BRCA1: variants seen among roughly 807,000 people sequenced by gnomAD.
The protein encoded by BRCA1 is BRCA1 DNA repair associated.
Under a neutral mutation model 173.7 loss-of-function variants are expected in BRCA1, and 140 were observed. The ratio of observed to expected loss-of-function variants is 0.81; its 90% confidence interval spans 0.70 to 0.93. The LOEUF (loss-of-function observed/expected upper bound fraction) is 0.93, where lower values mean the gene tolerates loss of function less well. Among genes scored for constraint, BRCA1 ranks in the 40% least tolerant of loss-of-function variants. The pLI, the probability that BRCA1 is intolerant of heterozygous loss-of-function variation, is 0.00. For synonymous variants in BRCA1, 662 were observed against 756.0 expected, an observed-to-expected ratio of 0.88 and a Z score of 2.04; for missense variants, 1,983 against 2,172.5, an observed-to-expected ratio of 0.91 and a Z score of 1.73.
intron 11 of BRCA1, among the ~76,000 whole-genome samples, chr17:43,085,847 T>C (rs868305656): frequency 6.6e-6 from 1 of 152,112 alleles, no homozygotes; most frequent in South Asian, 2.1e-4. Flanking sequence ...CATATAAATA[T>C]ATATATAAAA....
chr17:43,134,984 A>G (rs758553212), intron 1 of BRCA1, among the ~76,000 whole-genome samples: 6 of 152,176 alleles, frequency 3.9e-5, no homozygotes, highest in African/African-American at 7.2e-5. Flanking sequence ...TAGATAGACT[A>G]TTGGCCCCAA....
intron 1 of BRCA1, among the ~76,000 whole-genome samples, chr17:43,168,604 A>C (rs1177553325): frequency 6.6e-6 from 1 of 152,202 alleles, no homozygotes; most frequent in Non-Finnish European, 1.5e-5. Flanking sequence ...ACGCCATTAC[A>C]CTCCAGCCTG....
intron 16 of BRCA1, among the ~76,000 whole-genome samples, chr17:43,066,814 T>C (rs1433062545): frequency 4.2e-4 from 47 of 112,580 alleles, no homozygotes; most frequent in African/African-American, 3.4e-3. Context: ...CTCCAAACCT[T>C]TTTTTTTTTT....
intron 1 of BRCA1, among the ~76,000 whole-genome samples, chr17:43,157,570 C>G (rs1257827041): frequency 1.3e-5 from 2 of 152,168 alleles, no homozygotes; most frequent in South Asian, 2.1e-4. Flanking sequence ...GTGGCACACG[C>G]CTGTAATCCT....
intron 2 of BRCA1, among the ~76,000 whole-genome samples, chr17:43,120,491 C>T (rs573541495): frequency 2.6e-5 from 4 of 152,170 alleles, no homozygotes; most frequent in Non-Finnish European, 5.9e-5. Flanking sequence ...TAAGGCCGGG[C>T]GCGGTGGCTC....
At chr17:43,145,575 C>T (rs1243713930) in intron 1 of BRCA1, among the ~76,000 whole-genome samples, 2 of 152,170 alleles carry the variant, frequency 1.3e-5, no homozygotes, top group African/African-American at 2.4e-5. Flanking sequence ...ATCCGCCCGC[C>T]TCGGCCTCCC....
chr17:43,097,114 C>A, intron 8 of BRCA1, 130 bp downstream of exon 8: 1 of 934,856 alleles, frequency 1.1e-6, no homozygotes, highest in Non-Finnish European at 1.7e-6. Flanking sequence ...ACCTATATAA[C>A]AAACTGCACA....
chr17:43,089,666 G>T (rs995628886), intron 11 of BRCA1, among the ~76,000 whole-genome samples: 1 of 150,182 alleles, frequency 6.7e-6, no homozygotes, highest in Admixed American at 6.7e-5. Flanking sequence ...TCCTGCTTTA[G>T]CCTCCCATCT....
rs80357489 is a variant in BRCA1 at position 43,094,083 on chromosome 17, A to G, written c.1448T>C (p.Ile483Thr). The G allele has an allele frequency of 9.3e-6, 15 of 1,613,958 alleles. No homozygotes were observed. The highest frequency in any genetic ancestry group is 1.1e-5 in the Non-Finnish European group (13 of 1,180,002). ...NLSHVTENLIIGAFVTEPQII... is the reference protein window; with the variant it reads ...NLSHVTENLITGAFVTEPQII... ...CTGTGGCTCAGTAACAAATGCTCCT[A>G]TAATTAGATTTTCAGTTACATGGCT... is the stretch of plus-strand genomic sequence containing the variant. The change falls in exon 10 of 23, where the codon ATA (isoleucine) becomes ACA (threonine). Residue 483 changes from isoleucine to threonine, a missense_variant. Ile to Thr is a moderately conservative substitution (Grantham distance 89). Transcript: ENST00000357654.
At chr17:43,140,598 C>A (rs777902369) in intron 1 of BRCA1, among the ~76,000 whole-genome samples, 50 of 152,296 alleles carry the variant, frequency 3.3e-4, no homozygotes, top group Non-Finnish European at 5.9e-4. Context: ...TTTTCTTCCA[C>A]TTCCCTTCTT....
chr17:43,051,729 AG>A (rs2051248789), intron 19 of BRCA1, among the ~76,000 whole-genome samples: 1 of 150,628 alleles, frequency 6.6e-6, no homozygotes, highest in Non-Finnish European at 1.5e-5. Flanking sequence ...CTCTGCCTCC[AG>A]GGTTCAAGCG....
intron 19 of BRCA1, among the ~76,000 whole-genome samples, chr17:43,053,336 A>G (rs1311223567): frequency 6.6e-6 from 1 of 152,206 alleles, no homozygotes; most frequent in Non-Finnish European, 1.5e-5. Context: ...GCTAACACTC[A>G]GTGATGAGGA....
rs781746476 is a variant in BRCA1 at position 43,076,533 on chromosome 17, G to A, written c.4439C>T (p.Ser1480Phe). ...EGLSADKFEV[S>F]ADSSTSKNKE... ...ATTTTTACTGGTAGAACTATCTGCA[G>A]ACACCTCAAACTTGTCAGCAGAAAG... The change falls in exon 13 of 23, where the codon TCT becomes TTT. Residue 1480 changes from serine to phenylalanine, a missense_variant. By Grantham distance (155) the Ser-to-Phe change is radical (BLOSUM62 -2). Coordinates refer to ENST00000357654, the MANE Select transcript of BRCA1 (RefSeq NM_007294.4). The A allele has an allele frequency of 1.2e-6, 2 of 1,613,726 alleles. No homozygotes were observed. Among genetic ancestry groups the A allele is most frequent in the South Asian group, 2.2e-5 (2 of 91,070 alleles).
At chr17:43,079,245 A>G in intron 12 of BRCA1, 1 of 982,624 alleles carries the variant, frequency 1.0e-6, no homozygotes, top group Non-Finnish European at 1.6e-6. Context: ...AAACACAGCT[A>G]TTAAAAAGTC....
intron 1 of BRCA1, chr17:43,144,803 C>T (rs889822218): frequency 5.0e-6 from 2 of 396,244 alleles, no homozygotes; most frequent in Admixed American, 3.5e-5. Context: ...GGTGGTTCAT[C>T]TAAGGTCTGG....
intron 19 of BRCA1, among the ~76,000 whole-genome samples, chr17:43,056,028 G>C (rs962644481): frequency 3.3e-5 from 5 of 152,152 alleles, no homozygotes; most frequent in African/African-American, 1.2e-4. Flanking sequence ...GTGTGACTTT[G>C]AGCAACTTAT....
At chr17:43,069,895 A>G (rs1055550480) in intron 15 of BRCA1, among the ~76,000 whole-genome samples, 1 of 152,196 alleles carries the variant, frequency 6.6e-6, no homozygotes, top group African/African-American at 2.4e-5. Context: ...ATAATCTGGT[A>G]TGTTATCTCA....
chr17:43,111,522 A>T (rs1271985654), intron 3 of BRCA1, among the ~76,000 whole-genome samples: 1 of 151,884 alleles, frequency 6.6e-6, no homozygotes, highest in African/African-American at 2.4e-5. Flanking sequence ...TCCGTCTCAA[A>T]ACAAAACAAA....
At chr17:43,055,426 T>C (rs1460690144) in intron 19 of BRCA1, among the ~76,000 whole-genome samples, 3 of 152,122 alleles carry the variant, frequency 2.0e-5, no homozygotes, top group Non-Finnish European at 4.4e-5. Flanking sequence ...GGCGGGTGGA[T>C]CACTGGAGGC....
Sources: allele counts gnomAD v4.1 joint callset (sites outside exome capture counted in the v4.1 genomes callset), GRCh38; gene constraint gnomAD v4.1.1; transcripts MANE v1.5; gene names NCBI Gene and HGNC (gene_info 2026-07-23, HGNC 2026-07-21).